ARMH4: variants seen among roughly 807,000 people sequenced by gnomAD.
The protein encoded by ARMH4 is armadillo like helical domain containing 4, also known as armadillo-like helical domain-containing protein 4.
A neutral mutation model predicts 61.9 loss-of-function variants in ARMH4; 49 were observed. The observed-to-expected ratio is 0.79, with a 90% CI of 0.63 to 1.00. ARMH4 has a LOEUF of 1.00. ARMH4 is among the 50% of genes least tolerant of loss of function. The pLI is 0.00. For missense variants in ARMH4, 934 were observed against 930.0 expected, an observed-to-expected ratio of 1.00 and a Z score of -0.06; for synonymous variants, 368 against 341.5, an observed-to-expected ratio of 1.08 and a Z score of -0.85.
At chr14:58,090,400 C>A (rs1429333265) in intron 5 of ARMH4, among the ~76,000 whole-genome samples, 1 of 152,104 alleles carries the variant, frequency 6.6e-6, no homozygotes, top group African/African-American at 2.4e-5. Context: ...GAAAATAGAA[C>A]AACACAGAAA....
rs142814036 is a variant in ARMH4 at position 58,119,348 on chromosome 14, A to G, written c.1831+12164T>C. Among the ~76,000 whole-genome samples the G allele has an allele frequency of 2.2e-3, 342 of 152,336 alleles. 3 individuals carry two copies. The highest frequency in any genetic ancestry group is 1.7e-3 in the Non-Finnish European group (113 of 68,034). On this transcript the variant is annotated intron_variant, in intron 4 of 7. Coordinates refer to ENST00000267485, the MANE Select transcript of ARMH4 (RefSeq NM_001001872.4). ...TATTCTATACATATTTAAGGTTTGT[A>G]ATTGTTTGTCCTCCAATGCAATAAA...
At chr14:58,148,399 G>A (rs1432799606) in intron 1 of ARMH4, among the ~76,000 whole-genome samples, 2 of 152,124 alleles carry the variant, frequency 1.3e-5, no homozygotes, top group African/African-American at 4.8e-5. Context: ...TCCCTACCCA[G>A]GTATCCAAAC....
chr14:58,079,533 G>C (rs1037961879), intron 5 of ARMH4, among the ~76,000 whole-genome samples: 1 of 152,182 alleles, frequency 6.6e-6, no homozygotes, highest in Non-Finnish European at 1.5e-5. Context: ...TTGCAATGGG[G>C]ATTAAGCTTC....
rs182481757 is a variant in ARMH4, at chr14:58,108,129, G to A, written c.1832-11148C>T. On this transcript the variant is annotated intron_variant, in intron 4 of 7. Transcript: ENST00000267485. ...AATATTAAATTCGTCTTGAGGATGTGCAGCGACTCTCCAGCAGATGGCTCT... is the reference window on the plus strand; with the variant it reads ...AATATTAAATTCGTCTTGAGGATGTACAGCGACTCTCCAGCAGATGGCTCT... Among the ~76,000 whole-genome samples, 3 of 152,256 alleles carry A rather than the reference G, an allele frequency of 2.0e-5. No individual in the cohort carries two copies. The East Asian group carries it at 5.8e-4, about 29-fold the overall frequency.
At chr14:58,048,256 T>C (rs1884005891) in intron 5 of ARMH4, among the ~76,000 whole-genome samples, 1 of 152,242 alleles carries the variant, frequency 6.6e-6, no homozygotes, top group Non-Finnish European at 1.5e-5. Flanking sequence ...TTTTATCTTC[T>C]CATCTGCCAG....
At chr14:58,124,701 G>A (rs28819132) in intron 4 of ARMH4, among the ~76,000 whole-genome samples, 7,526 of 152,228 alleles carry the variant, frequency 0.049, 296 homozygotes, top group African/African-American at 0.11. Context: ...TACGCTGCTC[G>A]AGGGGACCTT....
chr14:58,025,762 T>A (rs573167776), intron 5 of ARMH4, among the ~76,000 whole-genome samples: 16 of 152,306 alleles, frequency 1.1e-4, no homozygotes, highest in Middle Eastern at 3.4e-3. Flanking sequence ...ATGCTAAATT[T>A]ACCTGCTTCA....
At chr14:58,109,853 A>C (rs1886290959) in intron 4 of ARMH4, among the ~76,000 whole-genome samples, 1 of 152,186 alleles carries the variant, frequency 6.6e-6, no homozygotes, top group South Asian at 2.1e-4. Context: ...GACTCACAGT[A>C]CTGCATGGCT....
At chr14:58,067,294 G>C (rs578175071) in intron 5 of ARMH4, among the ~76,000 whole-genome samples, 4 of 152,176 alleles carry the variant, frequency 2.6e-5, no homozygotes, top group East Asian at 1.9e-4. Context: ...GGTAGGTACT[G>C]TTCTAGAACC....
intron 4 of ARMH4, among the ~76,000 whole-genome samples, chr14:58,099,778 G>A (rs1251875133): frequency 2.6e-5 from 4 of 152,182 alleles, no homozygotes; most frequent in African/African-American, 9.6e-5. Flanking sequence ...AGAAGCAGCT[G>A]CGGGAGAATA....
At chr14:58,026,903 G>C (rs1645668011) in intron 5 of ARMH4, among the ~76,000 whole-genome samples, 1 of 152,162 alleles carries the variant, frequency 6.6e-6, no homozygotes, top group Admixed American at 6.5e-5. Flanking sequence ...GTTTGCCATT[G>C]GCCCTTAGCT....
At chr14:58,072,046 C>T (rs1884898412) in intron 5 of ARMH4, among the ~76,000 whole-genome samples, 1 of 152,140 alleles carries the variant, frequency 6.6e-6, no homozygotes, top group Non-Finnish European at 1.5e-5. Flanking sequence ...AGTGCATTTC[C>T]TATGATTATA....
At chr14:58,015,397 A>G (rs1389640563) in intron 5 of ARMH4, among the ~76,000 whole-genome samples, 1 of 152,154 alleles carries the variant, frequency 6.6e-6, no homozygotes, top group African/African-American at 2.4e-5. Context: ...AAGGTTGAGG[A>G]AACACTATTC....
At chr14:58,119,438 C>G (rs777965541) in intron 4 of ARMH4, among the ~76,000 whole-genome samples, 1 of 152,168 alleles carries the variant, frequency 6.6e-6, no homozygotes, top group Non-Finnish European at 1.5e-5. Flanking sequence ...AAAAATCATG[C>G]CTTTGAAAAT....
chr14:58,027,479 G>T (rs1162874735), intron 5 of ARMH4, among the ~76,000 whole-genome samples: 1 of 152,152 alleles, frequency 6.6e-6, no homozygotes, highest in Non-Finnish European at 1.5e-5. Context: ...TTGGTACTGA[G>T]AGGTTGGTGT....
chr14:58,143,683 C>T (rs1446198019), intron 1 of ARMH4, among the ~76,000 whole-genome samples: 6 of 151,174 alleles, frequency 4.0e-5, no homozygotes, highest in Admixed American at 2.6e-4. Context: ...AGGTTGGTCT[C>T]GAACTTCTGA....
chr14:58,128,304 A>G (rs1403454951), intron 4 of ARMH4, among the ~76,000 whole-genome samples: 1 of 152,234 alleles, frequency 6.6e-6, no homozygotes, highest in African/African-American at 2.4e-5. Flanking sequence ...ATTCAACAAG[A>G]GAAGAAAATC....
rs977095240 is a variant in ARMH4, at chr14:58,139,046, G to A, written c.313C>T (p.Gln105Ter). Reference sequence around the variant, plus strand: ...GTGGAAACACCAGGGCGTTCTGTTTGCATGAGCCCAGCTTGTCCAGGCTGG... The same window carrying A: ...GTGGAAACACCAGGGCGTTCTGTTTACATGAGCCCAGCTTGTCCAGGCTGG... ...ETQPGQAGLM[Q>*]TERPGVSTPT... The change falls in exon 2 of 8, where the codon CAA (glutamine) becomes TAA (stop). Residue 105 changes from glutamine (Q) to a stop codon, truncating the protein, a stop_gained. Coordinates refer to ENST00000267485, the MANE Select transcript of ARMH4 (RefSeq NM_001001872.4). LOFTEE classifies it high-confidence loss of function. The A allele has an allele frequency of 1.9e-6, 3 of 1,614,104 alleles. No individual in the cohort carries two copies. Among genetic ancestry groups the A allele is most frequent in the South Asian group, 2.2e-5 (2 of 91,092 alleles).
chr14:58,092,018 A>G (rs1279213897), intron 5 of ARMH4, among the ~76,000 whole-genome samples: 4 of 152,244 alleles, frequency 2.6e-5, no homozygotes, highest in African/African-American at 9.6e-5. Context: ...TGAGGCCTGA[A>G]TCTACTGCTT....
Sources: allele counts gnomAD v4.1 joint callset (sites outside exome capture counted in the v4.1 genomes callset), GRCh38; gene constraint gnomAD v4.1.1; transcripts MANE v1.5; gene names NCBI Gene and HGNC (gene_info 2026-07-23, HGNC 2026-07-21).